The following CNTLN variants were observed in gnomAD, a reference collection of about 807,000 sequenced individuals.
The protein encoded by CNTLN is centlein, centrosomal protein.
In CNTLN, 212 loss-of-function variants were observed where a neutral mutation model predicts 180.0. The ratio of observed to expected loss-of-function variants is 1.18; its 90% CI spans 1.05 to 1.32. The LOEUF is 1.32. CNTLN is among the 40% of genes most tolerant of loss of function. CNTLN has a pLI of 0.00. For missense variants in CNTLN, 2,095 were observed against 1,610.9 expected, an observed-to-expected ratio of 1.30 and a Z score of -5.14; for synonymous variants, 722 against 563.1, an observed-to-expected ratio of 1.28 and a Z score of -3.99.
At chr9:17,360,237 G>A (rs1334866881) in intron 12 of CNTLN, among the ~76,000 whole-genome samples, 1 of 152,194 alleles carries the variant, frequency 6.6e-6, no homozygotes, top group Non-Finnish European at 1.5e-5. Flanking sequence ...AATGAAACTT[G>A]TTAAAGTTTG....
At chr9:17,278,530 C>G (rs1828461633) in intron 6 of CNTLN, among the ~76,000 whole-genome samples, 1 of 151,920 alleles carries the variant, frequency 6.6e-6, no homozygotes, top group Admixed American at 6.6e-5. Flanking sequence ...AAATTTATTC[C>G]TAGCTCTTTC....
At chr9:17,175,254 A>G (rs1316826820) in intron 2 of CNTLN, among the ~76,000 whole-genome samples, 1 of 152,002 alleles carries the variant, frequency 6.6e-6, no homozygotes, top group East Asian at 1.9e-4. Flanking sequence ...TTTTTTTCCT[A>G]AAAGTTTTAT....
intron 8 of CNTLN, among the ~76,000 whole-genome samples, chr9:17,317,020 A>G (rs1819584206): frequency 6.6e-6 from 1 of 151,866 alleles, no homozygotes; most frequent in Admixed American, 6.6e-5. Flanking sequence ...ATTGTCTTAA[A>G]CCAGACAGAA....
intron 25 of CNTLN, among the ~76,000 whole-genome samples, chr9:17,495,974 T>G (rs1267695634): frequency 1.3e-5 from 2 of 152,176 alleles, no homozygotes; most frequent in African/African-American, 4.8e-5. Flanking sequence ...ATTGCCTAGG[T>G]GTGTAACAGG....
chr9:17,304,916 T>G (rs1818603089), intron 7 of CNTLN, among the ~76,000 whole-genome samples: 1 of 152,142 alleles, frequency 6.6e-6, no homozygotes, highest in Non-Finnish European at 1.5e-5. Flanking sequence ...CAGATTTTTT[T>G]TATTCACTTG....
intron 7 of CNTLN, among the ~76,000 whole-genome samples, chr9:17,308,195 A>T (rs866075584): frequency 1.3e-5 from 2 of 152,136 alleles, no homozygotes; most frequent in Non-Finnish European, 2.9e-5. Flanking sequence ...TCTGTATGAT[A>T]GCACTTATAT....
At position 17,199,203 on chromosome 9, in the gene CNTLN, CTTTTTTTTTTT is replaced by C. The variant is rs763632027; in HGVS notation, c.450-26984_450-26974del. Among the ~76,000 whole-genome samples, 700 of 73,792 alleles carry C rather than the reference CTTTTTTTTTTT, an allele frequency of 9.5e-3. 8 individuals are homozygous for C. The highest frequency in any genetic ancestry group is 0.031 in the African/African-American group (671 of 21,346). 48.4% of individuals were successfully genotyped at this position (73,792 alleles called of 152,430 possible). On this transcript the variant is annotated intron_variant, in intron 2 of 25. Coordinates refer to ENST00000380647, the MANE Select transcript of CNTLN (RefSeq NM_017738.4). ...CTCGCCAGCATCTGTTGTTTCTTGA[CTTTTTTTTTTT>C]TTTTTTTTTTTTTTTGAGACAGAGT...
intron 13 of CNTLN, among the ~76,000 whole-genome samples, chr9:17,367,690 G>A (rs977041729): frequency 6.6e-6 from 1 of 152,070 alleles, no homozygotes; most frequent in African/African-American, 2.4e-5. Context: ...TTAGATTTAT[G>A]AGACCCTTAT....
chr9:17,331,320 AAAAT>A lies in CNTLN; in HGVS notation c.1518+515_1518+518del, dbSNP rs1403677308. Among the ~76,000 whole-genome samples, 5 of 150,848 alleles carry A rather than the reference AAAAT, an allele frequency of 3.3e-5. No individual in the cohort carries two copies. The East Asian group carries it at 7.9e-4, about 24-fold the overall frequency. On this transcript the variant is annotated intron_variant, in intron 9 of 25. Coordinates refer to ENST00000380647, the MANE Select transcript of CNTLN (RefSeq NM_017738.4). ...GATTTAAAGGGATAGCATTAAGAGAAAAATAAGCAAATTTTACATGTTTCTCGTT... is the reference window on the plus strand; with the variant it reads ...GATTTAAAGGGATAGCATTAAGAGAAAAGCAAATTTTACATGTTTCTCGTT...
intron 5 of CNTLN, among the ~76,000 whole-genome samples, chr9:17,255,849 A>G (rs1291097502): frequency 6.6e-6 from 1 of 151,846 alleles, no homozygotes; most frequent in East Asian, 1.9e-4. Context: ...CTGTTCTGTC[A>G]GATTTTCTGT....
chr9:17,291,253 T>A (rs1422745059), intron 6 of CNTLN, among the ~76,000 whole-genome samples: 1 of 152,172 alleles, frequency 6.6e-6, no homozygotes, highest in Non-Finnish European at 1.5e-5. Flanking sequence ...TGCTATGTGC[T>A]ATGTGTCGCC....
chr9:17,368,476 C>T (rs1013937102), intron 13 of CNTLN, among the ~76,000 whole-genome samples: 4 of 152,178 alleles, frequency 2.6e-5, no homozygotes, highest in African/African-American at 9.7e-5. Context: ...CTGCTCTTTG[C>T]AGAGCCCTAG....
intron 6 of CNTLN, among the ~76,000 whole-genome samples, chr9:17,292,599 G>A (rs555973664): frequency 3.3e-5 from 5 of 152,050 alleles, no homozygotes; most frequent in Non-Finnish European, 7.4e-5. Context: ...TTTGGCTGTT[G>A]ATACTTATGG....
At chr9:17,147,164 C>A (rs1464713349) in intron 2 of CNTLN, among the ~76,000 whole-genome samples, 1 of 152,302 alleles carries the variant, frequency 6.6e-6, no homozygotes, top group Admixed American at 6.5e-5. Flanking sequence ...AGGGCCTATC[C>A]ACAGGCTTTC....
chr9:17,506,079 TAA>T (rs3084575), downstream of CNTLN, among the ~76,000 whole-genome samples: 137,904 of 149,606 alleles, frequency 0.92, 63,947 homozygotes, highest in Non-Finnish European at 0.98. Context: ...CATCTTGGGT[TAA>T]AAAAAAAAAA....
At chr9:17,179,673 T>C (rs1242523837) in intron 2 of CNTLN, among the ~76,000 whole-genome samples, 9 of 152,340 alleles carry the variant, frequency 5.9e-5, no homozygotes, top group Non-Finnish European at 1.2e-4. Context: ...TAAATATTGA[T>C]TAGATCCTAT....
At chr9:17,298,106 A>T (rs913796637) in intron 6 of CNTLN, 84 bp from the exon 7 acceptor site, 2 of 1,201,052 alleles carry the variant, frequency 1.7e-6, no homozygotes, top group Non-Finnish European at 2.2e-6. Context: ...CAGGATGCCA[A>T]TCTGTAACCT....
At chr9:17,165,058 T>C (rs1228936352) in intron 2 of CNTLN, among the ~76,000 whole-genome samples, 1 of 151,732 alleles carries the variant, frequency 6.6e-6, no homozygotes, top group Non-Finnish European at 1.5e-5. Flanking sequence ...CAGGCTGGTC[T>C]TGAACTCCTG....
intron 5 of CNTLN, among the ~76,000 whole-genome samples, chr9:17,257,538 T>C (rs1325356434): frequency 2.0e-5 from 3 of 151,540 alleles, no homozygotes; most frequent in Non-Finnish European, 2.9e-5. Context: ...TCTAGATCCC[T>C]GAGGAATCGC....
Sources: gnomAD v4.1 joint callset for allele counts (sites outside exome capture counted in the v4.1 genomes callset) on GRCh38, gnomAD v4.1.1 for gene constraint, MANE v1.5 for transcripts, NCBI Gene and HGNC (gene_info 2026-07-23, HGNC 2026-07-21) for gene names.